RPSA2: variants seen among roughly 807,000 people sequenced by gnomAD.
The protein encoded by RPSA2 is ribosomal protein SA 2, also known as small ribosomal subunit protein uS2B.
the RPSA2 span, among the ~76,000 whole-genome samples, chr19:23,845,670 T>G: frequency 6.6e-6 from 1 of 152,156 alleles, no homozygotes; most frequent in South Asian, 2.1e-4. Context: ...TTTAAATTTT[T>G]TTTGTAGCAA....
the RPSA2 span, among the ~76,000 whole-genome samples, chr19:23,803,552 T>A: frequency 6.6e-6 from 1 of 152,080 alleles, no homozygotes; most frequent in African/African-American, 2.4e-5. Flanking sequence ...TCTATCTGTA[T>A]CCCTCTCATC....
the RPSA2 span, among the ~76,000 whole-genome samples, chr19:23,804,888 A>C: frequency 6.6e-6 from 1 of 152,002 alleles, no homozygotes; most frequent in African/African-American, 2.4e-5. Context: ...GAAAGCATCT[A>C]TTTGTTTTAA....
At chr19:23,772,304 C>T in the RPSA2 span, among the ~76,000 whole-genome samples, 3 of 152,022 alleles carry the variant, frequency 2.0e-5, no homozygotes, top group South Asian at 4.2e-4. Context: ...AGAATTGTAA[C>T]ATATCCCTGG....
At chr19:23,863,624 T>C in the RPSA2 span, among the ~76,000 whole-genome samples, 7 of 151,020 alleles carry the variant, frequency 4.6e-5, no homozygotes, top group Admixed American at 2.0e-4. Flanking sequence ...AAGCATGTCA[T>C]AGTTTCTGGT....
chr19:23,798,783 T>C, the RPSA2 span: 1 of 152,220 alleles, frequency 6.6e-6, no homozygotes, highest in Non-Finnish European at 1.5e-5. Context: ...ATGTCTTTCA[T>C]TTCACAAATT....
At chr19:23,760,079 G>A in the RPSA2 span, among the ~76,000 whole-genome samples, 4 of 152,230 alleles carry the variant, frequency 2.6e-5, no homozygotes, top group East Asian at 5.8e-4. Context: ...GTGAGGGGAG[G>A]CCCTAACTCA....
At chr19:23,868,387 T>C in the RPSA2 span, among the ~76,000 whole-genome samples, 1 of 152,164 alleles carries the variant, frequency 6.6e-6, no homozygotes, top group African/African-American at 2.4e-5. Flanking sequence ...AAACTGACAA[T>C]AGACCTGCTT....
At chr19:23,826,880 C>T in the RPSA2 span, among the ~76,000 whole-genome samples, 1 of 6,136 alleles carries the variant, frequency 1.6e-4, no homozygotes, top group African/African-American at 1.8e-4. Context: ...TCAGTAAGGA[C>T]AGGGTTCACC....
At chr19:23,803,407 T>G in the RPSA2 span, among the ~76,000 whole-genome samples, 27 of 152,264 alleles carry the variant, frequency 1.8e-4, no homozygotes, top group African/African-American at 6.5e-4. Flanking sequence ...TAAAAAAATT[T>G]TTTTTAAAAC....
the RPSA2 span, among the ~76,000 whole-genome samples, chr19:23,800,574 C>G: frequency 1.3e-5 from 2 of 151,518 alleles, no homozygotes; most frequent in Non-Finnish European, 2.9e-5. Flanking sequence ...CTATAGTCCT[C>G]CACAGTCACT....
the RPSA2 span, among the ~76,000 whole-genome samples, chr19:23,851,758 TCAGGA>T: frequency 1.3e-5 from 2 of 152,200 alleles, no homozygotes; most frequent in African/African-American, 2.4e-5. Flanking sequence ...TGTAACGGCC[TCAGGA>T]ATGGGCTGAT....
chr19:23,865,451 G>C, the RPSA2 span, among the ~76,000 whole-genome samples: 1 of 152,066 alleles, frequency 6.6e-6, no homozygotes, highest in African/African-American at 2.4e-5. Flanking sequence ...TCTCAAAGTA[G>C]ACCCTTCTGT....
the RPSA2 span, among the ~76,000 whole-genome samples, chr19:23,789,505 A>G: frequency 3.3e-4 from 51 of 152,254 alleles, no homozygotes; most frequent in Middle Eastern, 3.4e-3. Flanking sequence ...CCCAGCTTGT[A>G]GTTGCTATGA....
chr19:23,758,918 C>T, the RPSA2 span: 4 of 828,442 alleles, frequency 4.8e-6, no homozygotes, highest in East Asian at 2.5e-5. Flanking sequence ...CCGGAAGCCG[C>T]CCTGTCTGCT....
the RPSA2 span, among the ~76,000 whole-genome samples, chr19:23,775,432 A>G: frequency 2.0e-5 from 3 of 152,176 alleles, no homozygotes; most frequent in Non-Finnish European, 4.4e-5. Context: ...CACAGGTACG[A>G]TCACGGGTCC....
At chr19:23,815,002 T>C in the RPSA2 span, among the ~76,000 whole-genome samples, 1 of 152,118 alleles carries the variant, frequency 6.6e-6, no homozygotes, top group Non-Finnish European at 1.5e-5. Flanking sequence ...TAAAGTACCA[T>C]GTCTGAATAA....
chr19:23,832,147 G>T, the RPSA2 span: 1 of 418,590 alleles, frequency 2.4e-6, no homozygotes, highest in South Asian at 1.9e-5. Flanking sequence ...CAGATGTGAA[G>T]AATGTGGCAA....
At chr19:23,788,945 T>C in the RPSA2 span, among the ~76,000 whole-genome samples, 1 of 152,012 alleles carries the variant, frequency 6.6e-6, no homozygotes, top group Non-Finnish European at 1.5e-5. Context: ...CTGAGAGCTT[T>C]GTAACATATC....
At chr19:23,763,046 G>T in the RPSA2 span, 68 of 152,960 alleles carry the variant, frequency 4.4e-4, no homozygotes, top group Non-Finnish European at 7.8e-4. Context: ...CCTCCACCTC[G>T]GTAGCCCCTG....
Sources: allele counts gnomAD v4.1 joint callset (sites outside exome capture counted in the v4.1 genomes callset), GRCh38; gene constraint gnomAD v4.1.1; transcripts MANE v1.5; gene names NCBI Gene and HGNC (gene_info 2026-07-23, HGNC 2026-07-21).